NAV2: variants seen among roughly 807,000 people sequenced by gnomAD.
NAV2 encodes the protein helicase, APC down-regulated 1.
In NAV2, 54 loss-of-function variants were observed where a neutral mutation model predicts 223.2. The observed-to-expected ratio is 0.24, with a 90% confidence interval of 0.19 to 0.30. NAV2 has a LOEUF of 0.30. Among genes scored for constraint, NAV2 ranks in the 10% least tolerant of loss-of-function variants. The pLI, the probability that NAV2 is intolerant of heterozygous loss-of-function variation, is 1.00. For synonymous variants in NAV2, 1,279 were observed against 1,239.3 expected, an observed-to-expected ratio of 1.03 and a Z score of -0.67; for missense variants, 2,806 against 3,147.5, an observed-to-expected ratio of 0.89 and a Z score of 2.60.
At chr11:19,559,957 T>C (rs59769594) in intron 1 of NAV2, among the ~76,000 whole-genome samples, 10,228 of 152,196 alleles carry the variant, frequency 0.067, 1,215 homozygotes, top group African/African-American at 0.24. Context: ...GGAATCCCGA[T>C]TTCTCTAGCT....
Position 19,880,130 on chromosome 11 carries a change from G to T in NAV2, c.770+3G>T, listed in dbSNP as rs751088577. On this transcript the variant is annotated splice_donor_region_variant and intron_variant, in intron 5 of 37. Coordinates refer to ENST00000349880, the MANE Select transcript of NAV2 (RefSeq NM_145117.5). ...GCACAAGCTGAAATGCAGTCCAGGT[G>T]GGGGCTCCTTGCCAACTGATGGTTC... 2 of 1,570,260 alleles carry T rather than the reference G, an allele frequency of 1.3e-6. No individual in the cohort carries two copies. Among genetic ancestry groups the T allele is most frequent in the East Asian group, 2.3e-5 (1 of 44,178 alleles).
intron 6 of NAV2, among the ~76,000 whole-genome samples, chr11:19,896,484 T>A (rs1157299734): frequency 6.6e-6 from 1 of 152,116 alleles, no homozygotes; most frequent in Non-Finnish European, 1.5e-5. Context: ...ATAAAGCACT[T>A]TACTGCTTGG....
intron 25 of NAV2, among the ~76,000 whole-genome samples, chr11:20,081,691 G>T (rs118018818): frequency 0.028 from 4,294 of 152,250 alleles, 89 homozygotes; most frequent in Non-Finnish European, 0.044. Flanking sequence ...TGGACATGTG[G>T]TTTATTATAG....
intron 1 of NAV2, among the ~76,000 whole-genome samples, chr11:19,569,002 T>C (rs923830217): frequency 1.3e-5 from 2 of 152,196 alleles, no homozygotes; most frequent in African/African-American, 4.8e-5. Context: ...ACAGAATGCT[T>C]GGGCCCAGCA....
At chr11:19,595,848 C>T (rs1353016263) in intron 1 of NAV2, among the ~76,000 whole-genome samples, 1 of 151,702 alleles carries the variant, frequency 6.6e-6, no homozygotes, top group African/African-American at 2.4e-5. Flanking sequence ...AGGCATAAGC[C>T]ACCATGCCTG....
chr11:19,545,537 A>T (rs1045267203), intron 1 of NAV2, among the ~76,000 whole-genome samples: 8 of 152,116 alleles, frequency 5.3e-5, no homozygotes, highest in African/African-American at 1.9e-4. Context: ...AATGGGAGTC[A>T]GTTTCTCATC....
chr11:19,370,507 G>A lies in NAV2; in HGVS notation c.75+19480G>A, dbSNP rs1182833308. 2.6e-4 allele frequency among the ~76,000 whole-genome samples: 40 copies of A among 152,226 alleles called. 1 individual carries two copies. Among genetic ancestry groups the A allele is most frequent in the Admixed American group, 2.6e-3 (40 of 15,286 alleles). On this transcript the variant is annotated intron_variant, in intron 1 of 37. Coordinates refer to the NAV2 transcript ENST00000360655. Reference sequence around the variant, plus strand: ...CCTCAGATGGCACAGTTTTTGGCACGTGGTTGCCCACTCCTCAAATGTTTC... The same window carrying A: ...CCTCAGATGGCACAGTTTTTGGCACATGGTTGCCCACTCCTCAAATGTTTC...
intron 22 of NAV2, among the ~76,000 whole-genome samples, chr11:20,071,847 C>T (rs1283827246): frequency 1.3e-5 from 2 of 152,068 alleles, no homozygotes; most frequent in Non-Finnish European, 2.9e-5. Context: ...GATATTAGCC[C>T]TTTGTCAGAT....
intron 3 of NAV2, among the ~76,000 whole-genome samples, chr11:19,855,541 A>G (rs76176393): frequency 0.033 from 5,076 of 152,258 alleles, 130 homozygotes; most frequent in Middle Eastern, 0.058. Flanking sequence ...CCAGTTACAC[A>G]GAGTTGGATG....
intron 11 of NAV2, among the ~76,000 whole-genome samples, chr11:20,033,692 A>G (rs1415836041): frequency 1.3e-5 from 2 of 152,282 alleles, no homozygotes; most frequent in East Asian, 3.9e-4. Context: ...GAAGCCAAAT[A>G]GTGTTGAAGG....
chr11:20,088,306 T>G (rs915891191), intron 26 of NAV2, among the ~76,000 whole-genome samples: 9 of 152,074 alleles, frequency 5.9e-5, no homozygotes, highest in African/African-American at 1.9e-4. Context: ...GCCTCCTGAG[T>G]AGCCGGGATT....
In NAV2 at chr11:19,949,060, G is replaced by T; in HGVS notation, c.2625G>T (p.Arg875=). ...SDGDVLSKNI[R]TDDITSGYMT... is the part of the protein sequence containing the mutation. Reference sequence around the variant, plus strand: ...GGGATGTTCTGAGCAAGAACATCCGGACCGATGACATTACAAGCGGGTAAG... The same window carrying T: ...GGGATGTTCTGAGCAAGAACATCCGTACCGATGACATTACAAGCGGGTAAG... Residue 875 remains arginine (R), a synonymous_variant, in exon 10 of 38, where the codon CGG becomes CGT. Transcript: ENST00000349880. 6.2e-7 allele frequency: 1 copy of T among 1,608,864 alleles called. No homozygotes were observed. The highest frequency in any genetic ancestry group is 1.1e-5 in the South Asian group (1 of 90,578).
At chr11:19,747,612 G>A (rs1274400978) in intron 1 of NAV2, among the ~76,000 whole-genome samples, 2 of 152,302 alleles carry the variant, frequency 1.3e-5, no homozygotes, top group Middle Eastern at 3.4e-3. Flanking sequence ...TCAATGCTTG[G>A]ACCACTCAGC....
intron 1 of NAV2, among the ~76,000 whole-genome samples, chr11:19,697,570 G>A (rs781036602): frequency 7.2e-5 from 11 of 151,914 alleles, no homozygotes; most frequent in Non-Finnish European, 1.5e-4. Flanking sequence ...CATGTCTGGA[G>A]ATGGCTGGTG....
intron 10 of NAV2, among the ~76,000 whole-genome samples, chr11:19,967,372 G>C (rs2048856739): frequency 6.8e-6 from 1 of 146,382 alleles, no homozygotes; most frequent in Non-Finnish European, 1.5e-5. Flanking sequence ...CTCGGTGCTA[G>C]GTTTTAAGGG....
At chr11:19,499,777 G>A (rs2042906678) in intron 1 of NAV2, among the ~76,000 whole-genome samples, 1 of 152,196 alleles carries the variant, frequency 6.6e-6, no homozygotes, top group African/African-American at 2.4e-5. Context: ...ATCAAATGTT[G>A]TTCTTTTGCC....
At chr11:19,350,710 C>G (rs1853258478), upstream of NAV2, 1 of 533,552 alleles carries the variant, frequency 1.9e-6, no homozygotes, top group African/African-American at 1.9e-5. Flanking sequence ...TAAAGTAAAA[C>G]CCCAAGACTT....
intron 4 of NAV2, among the ~76,000 whole-genome samples, chr11:19,873,767 G>A (rs1352268330): frequency 6.6e-6 from 1 of 152,126 alleles, no homozygotes; most frequent in Non-Finnish European, 1.5e-5. Flanking sequence ...TTAGCAGAAG[G>A]GTCCCCATAG....
At chr11:20,043,020 C>A (rs1200574185) in intron 12 of NAV2, among the ~76,000 whole-genome samples, 1 of 152,160 alleles carries the variant, frequency 6.6e-6, no homozygotes, top group Non-Finnish European at 1.5e-5. Context: ...CTTGTCAGAA[C>A]AAAATCCCAC....
Sources: allele counts gnomAD v4.1 joint callset (sites outside exome capture counted in the v4.1 genomes callset), GRCh38; gene constraint gnomAD v4.1.1; transcripts MANE v1.5; gene names NCBI Gene and HGNC (gene_info 2026-07-23, HGNC 2026-07-21).